The following PPP2R2C variants were observed in gnomAD, a reference collection of about 807,000 sequenced individuals.
The protein encoded by PPP2R2C is protein phosphatase 2 regulatory subunit Bgamma.
PPP2R2C carries 10 observed loss-of-function variants against 45.3 expected under a neutral mutation model. The ratio of observed to expected loss-of-function variants is 0.22; its 90% CI spans 0.14 to 0.37. The LOEUF (loss-of-function observed/expected upper bound fraction) is 0.37, where lower values mean the gene tolerates loss of function less well. Among genes scored for constraint, PPP2R2C ranks in the 10% least tolerant of loss-of-function variants. PPP2R2C has a pLI of 1.00. For synonymous variants in PPP2R2C, 257 were observed against 245.4 expected, an observed-to-expected ratio of 1.05 and a Z score of -0.44; for missense variants, 308 against 619.7, an observed-to-expected ratio of 0.50 and a Z score of 5.34.
At chr4:6,548,787 C>A (rs1725079679) in intron 1 of PPP2R2C, among the ~76,000 whole-genome samples, 1 of 152,220 alleles carries the variant, frequency 6.6e-6, no homozygotes, top group Non-Finnish European at 1.5e-5. Flanking sequence ...GTGGGAGAGG[C>A]AGATCCTGAA....
At chr4:6,359,319 G>A (rs1291833359) in intron 5 of PPP2R2C, among the ~76,000 whole-genome samples, 1 of 152,106 alleles carries the variant, frequency 6.6e-6, no homozygotes, top group Non-Finnish European at 1.5e-5. Context: ...CACAGGGCGG[G>A]GAACATCACA....
chr4:6,491,455 G>T (rs1425092409), intron 2 of PPP2R2C, among the ~76,000 whole-genome samples: 1 of 152,146 alleles, frequency 6.6e-6, no homozygotes, highest in African/African-American at 2.4e-5. Flanking sequence ...GTCCAGTGGG[G>T]CTATCAGAAC....
chr4:6,498,158 C>T (rs1471121459), intron 2 of PPP2R2C, among the ~76,000 whole-genome samples: 1 of 152,186 alleles, frequency 6.6e-6, no homozygotes, highest in East Asian at 1.9e-4. Context: ...TAGAAATTAG[C>T]ACATCACCCT....
chr4:6,505,471 C>T (rs1236600893), intron 2 of PPP2R2C, among the ~76,000 whole-genome samples: 3 of 152,078 alleles, frequency 2.0e-5, no homozygotes, highest in Non-Finnish European at 2.9e-5. Flanking sequence ...ATAATCCATT[C>T]GATAGCCATA....
intron 1 of PPP2R2C, among the ~76,000 whole-genome samples, chr4:6,557,129 C>T (rs1425015905): frequency 3.3e-5 from 5 of 152,248 alleles, no homozygotes; most frequent in Non-Finnish European, 7.3e-5. Flanking sequence ...TTTAACTACA[C>T]TGTACTTGCT....
At chr4:6,417,883 A>G (rs1215329203) in intron 1 of PPP2R2C, among the ~76,000 whole-genome samples, 2 of 152,242 alleles carry the variant, frequency 1.3e-5, no homozygotes, top group African/African-American at 2.4e-5. Flanking sequence ...GCAGCATGCC[A>G]GCAGATTTCT....
intron 1 of PPP2R2C, among the ~76,000 whole-genome samples, chr4:6,434,359 C>T (rs78961769): frequency 2.6e-5 from 3 of 116,136 alleles, no homozygotes; most frequent in Non-Finnish European, 3.4e-5. Flanking sequence ...TTTTTCTTTT[C>T]TTTTTTTTTT....
intron 1 of PPP2R2C, 84 bp downstream of exon 1, chr4:6,472,076 G>A: frequency 6.4e-7 from 1 of 1,571,674 alleles, no homozygotes; most frequent in South Asian, 1.1e-5. Context: ...ACATCGCGCG[G>A]TCCAAACCTT....
intron 2 of PPP2R2C, among the ~76,000 whole-genome samples, chr4:6,508,759 C>T (rs982609588): frequency 2.7e-4 from 41 of 152,108 alleles, no homozygotes; most frequent in African/African-American, 7.2e-5. Flanking sequence ...AAGGGAAAAA[C>T]GACTCAATGA....
In PPP2R2C at chr4:6,499,564, G is replaced by T. The variant is rs771579561; in HGVS notation, c.49+35707C>A. 3.7e-4 allele frequency among the ~76,000 whole-genome samples: 56 copies of T among 152,030 alleles called. 1 individual carries two copies. The highest frequency in any genetic ancestry group is 2.5e-4 in the Non-Finnish European group (17 of 68,004). ...ATTCTTGTCCTTCCCTCCAATGTTGGCCAAAGTGTGCTGACGAAAATGCAT... is the reference window on the plus strand; with the variant it reads ...ATTCTTGTCCTTCCCTCCAATGTTGTCCAAAGTGTGCTGACGAAAATGCAT... On this transcript the variant is annotated intron_variant, in intron 2 of 9. Coordinates refer to the PPP2R2C transcript ENST00000506140.
At chr4:6,371,488 G>C (rs562961517) in intron 5 of PPP2R2C, among the ~76,000 whole-genome samples, 1 of 152,328 alleles carries the variant, frequency 6.6e-6, no homozygotes, top group Non-Finnish European at 1.5e-5. Context: ...CTGGAGTCGG[G>C]AGGCCATCCA....
chr4:6,498,711 A>G (rs900128290), intron 2 of PPP2R2C, among the ~76,000 whole-genome samples: 1 of 151,984 alleles, frequency 6.6e-6, no homozygotes, highest in Non-Finnish European at 1.5e-5. Flanking sequence ...CAGACGGCAA[A>G]CCCACCCACT....
At chr4:6,367,562 A>C (rs1460227637) in intron 5 of PPP2R2C, among the ~76,000 whole-genome samples, 2 of 152,150 alleles carry the variant, frequency 1.3e-5, no homozygotes, top group East Asian at 3.9e-4. Flanking sequence ...ATTCAGAGCA[A>C]TTCCCAGCTC....
chr4:6,416,695 C>T (rs1037754651), intron 1 of PPP2R2C, among the ~76,000 whole-genome samples: 5 of 152,206 alleles, frequency 3.3e-5, no homozygotes, highest in South Asian at 2.1e-4. Context: ...CCCTCCAGCC[C>T]GGGACCACAG....
chr4:6,385,655 T>C (rs1039670469), intron 1 of PPP2R2C, among the ~76,000 whole-genome samples: 8 of 152,108 alleles, frequency 5.3e-5, no homozygotes, highest in Non-Finnish European at 1.2e-4. Flanking sequence ...CTGCAACCTG[T>C]ACCTCCTAGG....
intron 5 of PPP2R2C, among the ~76,000 whole-genome samples, chr4:6,370,332 C>A (rs151261574): frequency 2.0e-5 from 3 of 152,246 alleles, no homozygotes; most frequent in Non-Finnish European, 4.4e-5. Context: ...AGACAACGAA[C>A]GGCAGGCTGA....
chr4:6,330,394 G>A lies in PPP2R2C; in HGVS notation c.961-1041C>T, dbSNP rs555600675. On this transcript the variant is annotated intron_variant, in intron 7 of 8. Coordinates refer to ENST00000382599, the MANE Select transcript of PPP2R2C (RefSeq NM_020416.4). The surrounding 1 kb of genome is among the most constrained non-coding windows in gnomAD (Gnocchi z 7.0). ...TCGTGTGTCAGCTTGGCTGGGCCAA[G>A]GTACCCAGATACTTGGTGTTTCTGT... Among the ~76,000 whole-genome samples, 5 of 152,240 alleles carry A rather than the reference G, an allele frequency of 3.3e-5. No homozygotes were observed. The highest frequency in any genetic ancestry group is 1.2e-4 in the African/African-American group (5 of 41,464).
At chr4:6,359,766 T>A (rs1453327549) in intron 5 of PPP2R2C, among the ~76,000 whole-genome samples, 1 of 152,128 alleles carries the variant, frequency 6.6e-6, no homozygotes, top group African/African-American at 2.4e-5. Context: ...CCATGGCAGC[T>A]AAGCTGCACC....
chr4:6,554,955 GAAAGAAAGAA>G (rs1235598729), intron 1 of PPP2R2C, among the ~76,000 whole-genome samples: 6 of 131,930 alleles, frequency 4.5e-5, no homozygotes, highest in Admixed American at 3.2e-4. Flanking sequence ...AAGAAAGAAA[GAAAGAAAGAA>G]AGAGAAAGAA....
Sources: gnomAD v4.1 joint callset for allele counts (sites outside exome capture counted in the v4.1 genomes callset) on GRCh38, gnomAD v4.1.1 for gene constraint, Gnocchi (gnomAD v3.1) non-coding constraint, MANE v1.5 for transcripts, NCBI Gene and HGNC (gene_info 2026-07-23, HGNC 2026-07-21) for gene names.